Variants in ARID3A observed in about 807,000 individuals in gnomAD.
ARID3A encodes the protein AT-rich interactive domain-containing protein 3A.
Under a neutral mutation model 52.7 loss-of-function variants are expected in ARID3A, and 11 were observed. The ratio of observed to expected loss-of-function variants is 0.21; its 90% CI spans 0.13 to 0.35. The LOEUF (loss-of-function observed/expected upper bound fraction) is 0.35. Ranked by LOEUF, ARID3A falls within the 10% of genes least tolerant of loss-of-function variation. The pLI, the probability that ARID3A is intolerant of heterozygous loss-of-function variation, is 1.00. For missense variants in ARID3A, 721 were observed against 838.5 expected (o/e 0.86, Z 1.73); for synonymous variants, 404 against 359.4 (o/e 1.12, Z -1.40).
At chr19:963,968 C>T (rs964071744) in intron 4 of ARID3A, among the ~76,000 whole-genome samples, 1 of 152,226 alleles carries the variant, frequency 6.6e-6, no homozygotes. Context: ...CACGTCCCTC[C>T]TCTCAGTAAC....
At chr19:955,171 G>C (rs544919518) in intron 3 of ARID3A, among the ~76,000 whole-genome samples, 7 of 152,076 alleles carry the variant, frequency 4.6e-5, no homozygotes, top group Admixed American at 6.5e-5. Context: ...TGGCCCACAA[G>C]GGGGGCCTGG....
At chr19:953,254 G>C (rs1430253570) in intron 3 of ARID3A, among the ~76,000 whole-genome samples, 1 of 152,176 alleles carries the variant, frequency 6.6e-6, no homozygotes, top group African/African-American at 2.4e-5. Context: ...GTTTCTCTGG[G>C]AGGTGGGGTG....
In ARID3A at chr19:930,858, A is replaced by G. The variant is rs182391220; in HGVS notation, c.368+962A>G. 5.1e-3 allele frequency among the ~76,000 whole-genome samples: 769 copies of G among 152,146 alleles called. 8 individuals are homozygous for G. Among genetic ancestry groups the G allele is most frequent in the African/African-American group, 0.017 (719 of 41,534 alleles). On this transcript the variant is annotated intron_variant, in intron 2 of 8. Coordinates refer to ENST00000263620, the MANE Select transcript of ARID3A (RefSeq NM_005224.3). The stretch of plus-strand genomic sequence containing the variant: ...TAAAGCAACCTAGCCACCGATGGCT[A>G]CAGCAGATTCAGCGGCAGGGGCAGA...
At chr19:956,033 A>T (rs934115925) in intron 3 of ARID3A, among the ~76,000 whole-genome samples, 12 of 151,714 alleles carry the variant, frequency 7.9e-5, no homozygotes, top group Admixed American at 7.9e-4. Flanking sequence ...TCTCTGTGCG[A>T]CCGTCTCCAG....
rs11879193 is a variant in ARID3A at position 941,903 on chromosome 19, G to A, written c.693+9161G>A. 0.046 allele frequency among the ~76,000 whole-genome samples: 6,945 copies of A among 152,162 alleles called. 334 individuals carry two copies. Among genetic ancestry groups the A allele is most frequent in the African/African-American group, 0.12 (5,164 of 41,444 alleles). On this transcript the variant is annotated intron_variant, in intron 3 of 8. Coordinates refer to ENST00000263620, the MANE Select transcript of ARID3A (RefSeq NM_005224.3). The surrounding 1 kb of genome is among the most constrained non-coding windows in gnomAD (Gnocchi z 6.9). ...GCTTGGGCTCGCCACGTGTGCGCAC[G>A]TGTGCCCGTGACAGACGACCTTCCT...
chr19:948,855 G>C (rs374683700), intron 3 of ARID3A, among the ~76,000 whole-genome samples: 1 of 151,862 alleles, frequency 6.6e-6, no homozygotes, highest in East Asian at 1.9e-4. Context: ...GACTACAGGC[G>C]TGCGCCACCA....
At chr19:967,239 C>T (rs570788538) in intron 7 of ARID3A, among the ~76,000 whole-genome samples, 1 of 152,082 alleles carries the variant, frequency 6.6e-6, no homozygotes, top group East Asian at 1.9e-4. Context: ...GCCTGGGCAA[C>T]AATAGCAAAA....
At chr19:966,513 T>C in intron 6 of ARID3A, 59 bp from the exon 7 acceptor site, 9 of 1,402,416 alleles carry the variant, frequency 6.4e-6, no homozygotes, top group South Asian at 1.5e-5. Flanking sequence ...GTTCCTGCCT[T>C]GAGTGGAAGG....
At chr19:945,601 G>A (rs1311442874) in intron 3 of ARID3A, among the ~76,000 whole-genome samples, 2 of 152,198 alleles carry the variant, frequency 1.3e-5, no homozygotes, top group African/African-American at 4.8e-5. Context: ...CTCCGGCCAG[G>A]TGTACCCCAA....
At chr19:935,671 G>A (rs2037424283) in intron 3 of ARID3A, among the ~76,000 whole-genome samples, 1 of 152,112 alleles carries the variant, frequency 6.6e-6, no homozygotes, top group African/African-American at 2.4e-5. Flanking sequence ...GTCTTGCTAT[G>A]TTGCCCAGGC....
At chr19:925,803 C>A (rs1299344568), upstream of ARID3A, 1 of 152,188 alleles carries the variant, frequency 6.6e-6, no homozygotes. Flanking sequence ...CCCAGCGCCC[C>A]CGGGCTGGTT....
chr19:930,177 C>T (rs1018275097), intron 2 of ARID3A, among the ~76,000 whole-genome samples: 1 of 146,730 alleles, frequency 6.8e-6, no homozygotes, highest in Non-Finnish European at 1.5e-5. Context: ...CAGGAGGATC[C>T]CTTGAGAACA....
intron 6 of ARID3A, 142 bp downstream of exon 6, chr19:965,222 C>G: frequency 1.0e-6 from 1 of 980,312 alleles, no homozygotes; most frequent in Non-Finnish European, 1.5e-6. Context: ...TTCCAATCTA[C>G]CAGTCCTCTG....
Position 965,031 on chromosome 19 carries a change from C to G in ARID3A, c.1149C>G (p.Ala383=), listed in dbSNP as rs545549077. 29 of 1,612,904 alleles carry G rather than the reference C, an allele frequency of 1.8e-5. No homozygotes were observed. The highest frequency in any genetic ancestry group is 2.2e-5 in the Non-Finnish European group (26 of 1,179,522). Residue 383 remains alanine, a synonymous_variant, in exon 6 of 9, where the codon GCC becomes GCG. Coordinates refer to ENST00000263620, the MANE Select transcript of ARID3A (RefSeq NM_005224.3). ...PKLPVSSLGL[A]ASTNGSSITP... is the part of the protein sequence containing the mutation. ...TACCCGTGTCCTCCCTGGGCCTGGC[C>G]GCAAGCACCAATGGCAGCTCCATCA...
intron 2 of ARID3A, among the ~76,000 whole-genome samples, chr19:930,413 G>A (rs552930203): frequency 2.0e-5 from 3 of 151,058 alleles, no homozygotes; most frequent in African/African-American, 4.9e-5. Context: ...TTAGCCAGGC[G>A]TGGTGGCAGA....
At chr19:930,290 G>T (rs562881457) in intron 2 of ARID3A, among the ~76,000 whole-genome samples, 1 of 151,804 alleles carries the variant, frequency 6.6e-6, no homozygotes, top group Non-Finnish European at 1.5e-5. Flanking sequence ...TGTGGCTTAC[G>T]CCCGTAATCC....
At position 974,891 on chromosome 19, in the gene ARID3A, C is replaced by A. The variant is rs2038349814; in HGVS notation, c.*2826C>A. On this transcript the variant is annotated 3_prime_UTR_variant, in exon 9 of 9. Coordinates refer to ENST00000263620, the MANE Select transcript of ARID3A (RefSeq NM_005224.3). ...GGGTGGGTGGGGGGTGGGCGCGAGG[C>A]TGGGTCCCGGCCCAGGAGAAGGAAG... 2 of 227,176 alleles carry A rather than the reference C, an allele frequency of 8.8e-6. No homozygotes were observed. The highest frequency in any genetic ancestry group is 1.2e-4 in the East Asian group (2 of 16,082). The allele number at this position is 227,176 out of a possible 1,614,324, so 14.1% of individuals were successfully genotyped here.
chr19:961,791 C>T (rs34066023), intron 4 of ARID3A: 17,662 of 152,228 alleles, frequency 0.12, 1,530 homozygotes, highest in East Asian at 0.4. Flanking sequence ...TGGTGGCAGG[C>T]GCCTGTAATC....
intron 1 of ARID3A, among the ~76,000 whole-genome samples, chr19:926,612 G>A (rs1187783348): frequency 6.6e-6 from 1 of 151,742 alleles, no homozygotes; most frequent in Non-Finnish European, 1.5e-5. Flanking sequence ...AGCCGGGCTG[G>A]TTTATTTATA....
Sources: gnomAD v4.1 joint callset for allele counts (sites outside exome capture counted in the v4.1 genomes callset) on GRCh38, gnomAD v4.1.1 for gene constraint, Gnocchi (gnomAD v3.1) non-coding constraint, MANE v1.5 for transcripts, NCBI Gene and HGNC (gene_info 2026-07-23, HGNC 2026-07-21) for gene names.